Variants in SMURF1 observed in about 807,000 individuals in gnomAD.
The protein encoded by SMURF1 is SMAD specific E3 ubiquitin protein ligase 1, also known as E3 ubiquitin-protein ligase SMURF1.
SMURF1 carries 44 observed loss-of-function variants against 98.0 expected under a neutral mutation model. The ratio of observed to expected loss-of-function variants is 0.45; its 90% CI spans 0.35 to 0.58. The LOEUF is 0.58. Ranked by LOEUF, SMURF1 falls within the 20% of genes least tolerant of loss-of-function variation. The pLI is 0.00. For synonymous variants in SMURF1, 396 were observed against 374.9 expected (o/e 1.06, Z -0.65); for missense variants, 687 against 938.4 (o/e 0.73, Z 3.50).
chr7:99,140,694 G>C (rs12705027), intron 1 of SMURF1, among the ~76,000 whole-genome samples: 1 of 152,102 alleles, frequency 6.6e-6, no homozygotes, highest in Non-Finnish European at 1.5e-5. Flanking sequence ...TGGGATTCAG[G>C]CGTGAGCCAC....
In SMURF1 at chr7:99,060,374, G is replaced by A. The variant is rs375979295; in HGVS notation, c.203+225C>T. On this transcript the variant is annotated intron_variant, in intron 3 of 17. Transcript: ENST00000361368. ...AGCCTGGGTGACAGAGTGAGACTCCGTCTCAAAAAAAAAAAAAAAAAAAGA... is the reference window on the plus strand; with the variant it reads ...AGCCTGGGTGACAGAGTGAGACTCCATCTCAAAAAAAAAAAAAAAAAAAGA... Among the ~76,000 whole-genome samples, 8 of 100,410 alleles carry A rather than the reference G, an allele frequency of 8.0e-5. No homozygotes were observed. In the East Asian group the frequency reaches 8.8e-4, roughly 11 times the overall value. 65.9% of individuals were successfully genotyped at this position (100,410 alleles called of 152,430 possible).
At chr7:99,097,096 A>C (rs1214838831) in intron 1 of SMURF1, among the ~76,000 whole-genome samples, 3 of 152,102 alleles carry the variant, frequency 2.0e-5, no homozygotes, top group African/African-American at 4.8e-5. Context: ...AAAAAAAAAA[A>C]GTTTGTGAGA....
intron 1 of SMURF1, among the ~76,000 whole-genome samples, chr7:99,129,395 C>T (rs1198682583): frequency 3.3e-5 from 5 of 152,022 alleles, no homozygotes; most frequent in Non-Finnish European, 4.4e-5. Flanking sequence ...CCCATTTTTA[C>T]GTTATGTTAT....
chr7:99,058,560 CAA>C (rs1795943406), intron 3 of SMURF1, among the ~76,000 whole-genome samples: 1 of 152,184 alleles, frequency 6.6e-6, no homozygotes. Flanking sequence ...TCAAAGTACA[CAA>C]GAGGACACTA....
chr7:99,122,351 A>C (rs932480965), intron 1 of SMURF1, among the ~76,000 whole-genome samples: 1 of 139,636 alleles, frequency 7.2e-6, no homozygotes, highest in Non-Finnish European at 1.5e-5. Flanking sequence ...AAGAAGAAGA[A>C]GAAAAAAAAA....
chr7:99,089,118 C>T (rs538362762), intron 1 of SMURF1, among the ~76,000 whole-genome samples: 2 of 151,634 alleles, frequency 1.3e-5, no homozygotes, highest in Non-Finnish European at 2.9e-5. Flanking sequence ...GCAGGAGAAT[C>T]GCTTGAACCT....
At chr7:99,088,045 TC>T (rs2150575286) in intron 1 of SMURF1, among the ~76,000 whole-genome samples, 1 of 151,742 alleles carries the variant, frequency 6.6e-6, no homozygotes, top group South Asian at 2.1e-4. Flanking sequence ...TCACCTGAGG[TC>T]AGGAGTTCGA....
chr7:99,088,922 A>C (rs182519862), intron 1 of SMURF1, among the ~76,000 whole-genome samples: 1 of 152,150 alleles, frequency 6.6e-6, no homozygotes, highest in Non-Finnish European at 1.5e-5. Context: ...CACACAAAAA[A>C]AGGCTGGGTG....
chr7:99,100,254 A>G (rs928287622), intron 1 of SMURF1, among the ~76,000 whole-genome samples: 1 of 152,256 alleles, frequency 6.6e-6, no homozygotes, highest in Non-Finnish European at 1.5e-5. Flanking sequence ...AGTTAATTTC[A>G]ATTTAAAAAC....
At chr7:99,063,098 G>A (rs189233092) in intron 1 of SMURF1, among the ~76,000 whole-genome samples, 39 of 150,068 alleles carry the variant, frequency 2.6e-4, no homozygotes, top group Admixed American at 9.3e-4. Context: ...TTACAAAAAT[G>A]TGCTCACATA....
rs1488058115 is a variant in SMURF1, at chr7:99,071,153, A to G, written c.56-9316T>C. On this transcript the variant is annotated intron_variant, in intron 1 of 17. Coordinates refer to ENST00000361368, the MANE Select transcript of SMURF1 (RefSeq NM_181349.3). ...CAGCTCGTTGCAAACTCCACCTCCCAGGTTCAAGCGATCCTCCTGCCTCAG... is the reference window on the plus strand; with the variant it reads ...CAGCTCGTTGCAAACTCCACCTCCCGGGTTCAAGCGATCCTCCTGCCTCAG... Among the ~76,000 whole-genome samples the G allele has an allele frequency of 2.7e-5, 4 of 150,542 alleles. No homozygotes were observed. In the East Asian group the frequency reaches 7.8e-4, roughly 30 times the overall value.
chr7:99,135,273 G>A (rs1797963417), intron 1 of SMURF1, among the ~76,000 whole-genome samples: 2 of 152,120 alleles, frequency 1.3e-5, no homozygotes, highest in African/African-American at 4.8e-5. Flanking sequence ...TGAGAAAAGG[G>A]AGGAGATTAA....
chr7:99,079,585 C>T (rs1055231748), intron 1 of SMURF1, among the ~76,000 whole-genome samples: 7 of 152,150 alleles, frequency 4.6e-5, no homozygotes, highest in Non-Finnish European at 5.9e-5. Flanking sequence ...TAACTACATA[C>T]TAAGCTACAA....
intron 1 of SMURF1, among the ~76,000 whole-genome samples, chr7:99,140,555 G>A (rs1242038174): frequency 6.6e-6 from 1 of 151,982 alleles, no homozygotes; most frequent in African/African-American, 2.4e-5. Flanking sequence ...CCAAAGTGCT[G>A]AGATTACAGG....
Position 99,038,514 on chromosome 7 carries a change from A to C in SMURF1, c.1562T>G (p.Ile521Ser). The stretch of plus-strand genomic sequence containing the variant: ...GAAGGTGTGGTCCAGTACAGGCGTG[A>C]TGTCGTTCTCTCTGTTGAAATAAGA... ...KSLVWILENDITPVLDHTFCV... is the reference protein window; with the variant it reads ...KSLVWILENDSTPVLDHTFCV... Residue 521 changes from isoleucine (I) to serine (S), a missense_variant, in exon 14 of 18, where the codon ATC (isoleucine) becomes AGC (serine). By Grantham distance (142) the Ile-to-Ser change is moderately radical. Transcript: ENST00000361368. 1 of 1,613,948 alleles carries C rather than the reference A, an allele frequency of 6.2e-7. No individual in the cohort carries two copies. Among genetic ancestry groups the C allele is most frequent in the Non-Finnish European group, 8.5e-7 (1 of 1,179,930 alleles).
chr7:99,086,053 T>C (rs1274084189), intron 1 of SMURF1, among the ~76,000 whole-genome samples: 1 of 152,090 alleles, frequency 6.6e-6, no homozygotes, highest in Non-Finnish European at 1.5e-5. Context: ...GTATGAAATA[T>C]CACTTTCCAC....
In SMURF1 at chr7:99,072,108, A is replaced by G. The variant is rs114275910; in HGVS notation, c.56-10271T>C. ...AAAGAATAAATAAATAAGAAGAAGA[A>G]AGGAAAAAAAAAAGTAATCATAAGT... On this transcript the variant is annotated intron_variant, in intron 1 of 17. Coordinates refer to ENST00000361368, the MANE Select transcript of SMURF1 (RefSeq NM_181349.3). Among the ~76,000 whole-genome samples the G allele has an allele frequency of 9.1e-3, 1,384 of 152,066 alleles. 28 individuals are homozygous for G. Among genetic ancestry groups the G allele is most frequent in the African/African-American group, 0.03 (1,261 of 41,478 alleles).
At chr7:99,032,460 G>A (rs1284763735) in intron 17 of SMURF1, among the ~76,000 whole-genome samples, 1 of 152,222 alleles carries the variant, frequency 6.6e-6, no homozygotes, top group African/African-American at 2.4e-5. Flanking sequence ...CCTGAGGCCA[G>A]GAGTTCCAGA....
chr7:99,030,765 G>A, intron 17 of SMURF1, 82 bp from the exon 18 acceptor site: 1 of 944,552 alleles, frequency 1.1e-6, no homozygotes, highest in Non-Finnish European at 1.7e-6. Context: ...GCAGTGAGAA[G>A]TATATGTGGG....
Sources: allele counts gnomAD v4.1 joint callset (sites outside exome capture counted in the v4.1 genomes callset), GRCh38; gene constraint gnomAD v4.1.1; transcripts MANE v1.5; gene names NCBI Gene and HGNC (gene_info 2026-07-23, HGNC 2026-07-21).